RGS6: variants seen among roughly 807,000 people sequenced by gnomAD.
The protein encoded by RGS6 is regulator of G-protein signaling 6.
RGS6 carries 30 observed loss-of-function variants against 78.5 expected under a neutral mutation model. The ratio of observed to expected loss-of-function variants is 0.38; its 90% CI spans 0.29 to 0.52. The LOEUF (loss-of-function observed/expected upper bound fraction) is 0.52. Among genes scored for constraint, RGS6 ranks in the 20% least tolerant of loss-of-function variants. RGS6 has a pLI of 0.85. For synonymous variants in RGS6, 206 were observed against 206.0 expected (o/e 1.00, Z 0.00); for missense variants, 495 against 609.7 (o/e 0.81, Z 1.98).
At chr14:72,516,820 G>T (rs56656774) in intron 14 of RGS6, 1 of 152,328 alleles carries the variant, frequency 6.6e-6, no homozygotes, top group Non-Finnish European at 1.5e-5. Flanking sequence ...AAGATATGGC[G>T]TAGACAGGAT....
intron 2 of RGS6, among the ~76,000 whole-genome samples, chr14:72,010,023 G>A (rs1340708128): frequency 6.6e-6 from 1 of 152,210 alleles, no homozygotes; most frequent in Non-Finnish European, 1.5e-5. Flanking sequence ...ACGTTGTCAG[G>A]TTCTGCCATC....
rs546107504 is a variant in RGS6 at position 72,354,259 on chromosome 14, T to C, written c.184+2065T>C. Among the ~76,000 whole-genome samples, 144 of 152,210 alleles carry C rather than the reference T, an allele frequency of 9.5e-4. 8 individuals carry two copies. The highest frequency in any genetic ancestry group is 4.4e-3 in the South Asian group (21 of 4,814). ...GGAAGTCTGAGATCAGGTACCATCA[T>C]AGGTTCTGGTAAGAGCCCATTCCAG... On this transcript the variant is annotated intron_variant, in intron 3 of 17. Transcript: ENST00000553525.
intron 2 of RGS6, among the ~76,000 whole-genome samples, chr14:72,055,117 G>A (rs564841368): frequency 1.3e-5 from 2 of 152,300 alleles, no homozygotes; most frequent in Admixed American, 6.5e-5. Flanking sequence ...TGCATGTGCC[G>A]AGGTTTCCCT....
At chr14:72,233,701 T>A (rs1002928798) in intron 2 of RGS6, among the ~76,000 whole-genome samples, 3 of 152,162 alleles carry the variant, frequency 2.0e-5, no homozygotes, top group Non-Finnish European at 2.9e-5. Flanking sequence ...AGGGACAGCA[T>A]GATGTCTCCT....
At chr14:72,445,109 T>C (rs981540863) in intron 3 of RGS6, among the ~76,000 whole-genome samples, 15 of 152,364 alleles carry the variant, frequency 9.8e-5, no homozygotes, top group Middle Eastern at 3.4e-3. Flanking sequence ...CAGCCAGTTT[T>C]TAATAAGGAA....
At chr14:72,129,516 A>C (rs2096271236) in intron 2 of RGS6, among the ~76,000 whole-genome samples, 1 of 152,212 alleles carries the variant, frequency 6.6e-6, no homozygotes, top group Admixed American at 6.5e-5. Context: ...TTAGTGGCTT[A>C]TAACAGCAGA....
At chr14:72,052,575 A>G (rs560720628) in intron 2 of RGS6, among the ~76,000 whole-genome samples, 1 of 152,350 alleles carries the variant, frequency 6.6e-6, no homozygotes, top group East Asian at 1.9e-4. Flanking sequence ...AGCAGTCGGA[A>G]TCTTCCCTGC....
intron 2 of RGS6, among the ~76,000 whole-genome samples, chr14:72,147,907 A>G (rs991513150): frequency 8.5e-5 from 13 of 152,116 alleles, no homozygotes; most frequent in African/African-American, 2.4e-4. Flanking sequence ...CAAGGCGGGC[A>G]GATCACGAAG....
At position 72,254,665 on chromosome 14, in the gene RGS6, T is replaced by C. The variant is rs185503142; in HGVS notation, c.85-97430T>C. Reference sequence around the variant, plus strand: ...AGTTCCTATTCACAGGGGACTCTTTTCTCCCTTCTTTATGCTCAAGGGAGA... The same window carrying C: ...AGTTCCTATTCACAGGGGACTCTTTCCTCCCTTCTTTATGCTCAAGGGAGA... On this transcript the variant is annotated intron_variant, in intron 2 of 17. Transcript: ENST00000553525. Among the ~76,000 whole-genome samples, 39 of 152,270 alleles carry C rather than the reference T, an allele frequency of 2.6e-4. 1 individual carries two copies. The East Asian group carries it at 7.3e-3, about 29-fold the overall frequency.
chr14:72,420,449 C>CT (rs532678711), intron 3 of RGS6, among the ~76,000 whole-genome samples: 95 of 152,342 alleles, frequency 6.2e-4, no homozygotes, highest in African/African-American at 2.1e-3. Flanking sequence ...CTTAATTACA[C>CT]TTTTTAATAA....
At chr14:72,612,671 C>T in the RGS6 span, 1 of 505,720 alleles carries the variant, frequency 2.0e-6, no homozygotes, top group African/African-American at 1.9e-5. Flanking sequence ...TCCGTATAAA[C>T]CACAAACCCC....
chr14:72,041,263 A>T (rs558259536), intron 2 of RGS6, among the ~76,000 whole-genome samples: 233 of 151,966 alleles, frequency 1.5e-3, no homozygotes, highest in African/African-American at 5.5e-3. Context: ...CTGGCTAGAG[A>T]TTCTGAGGGT....
intron 17 of RGS6, chr14:72,541,406 T>G: frequency 6.7e-7 from 1 of 1,496,482 alleles, no homozygotes; most frequent in Non-Finnish European, 9.0e-7. Context: ...TAATTAAACA[T>G]CGGTATCCAT....
intron 2 of RGS6, among the ~76,000 whole-genome samples, chr14:72,055,643 TA>T (rs1258078507): frequency 1.3e-5 from 2 of 152,068 alleles, no homozygotes; most frequent in Non-Finnish European, 2.9e-5. Flanking sequence ...GCATTGAACA[TA>T]GGGATTTTTT....
chr14:72,156,043 G>A (rs971593847), intron 2 of RGS6, among the ~76,000 whole-genome samples: 3 of 152,230 alleles, frequency 2.0e-5, no homozygotes, highest in Non-Finnish European at 4.4e-5. Context: ...GATCTGGGGT[G>A]CAGCCTGGGC....
At chr14:72,238,964 C>T (rs181525519) in intron 2 of RGS6, among the ~76,000 whole-genome samples, 96 of 152,300 alleles carry the variant, frequency 6.3e-4, no homozygotes, top group Admixed American at 1.3e-3. Flanking sequence ...TATGGATCTG[C>T]AGCAACTTCA....
chr14:72,117,930 C>T (rs1452222366), intron 2 of RGS6, among the ~76,000 whole-genome samples: 3 of 152,132 alleles, frequency 2.0e-5, no homozygotes, highest in Admixed American at 6.5e-5. Flanking sequence ...TCTCCTCTGC[C>T]CTGTGACCCA....
intron 2 of RGS6, among the ~76,000 whole-genome samples, chr14:72,222,823 A>G (rs1460160286): frequency 2.0e-5 from 3 of 152,220 alleles, no homozygotes; most frequent in African/African-American, 4.8e-5. Flanking sequence ...TTTCTTTACT[A>G]TGGATGCCTC....
intron 2 of RGS6, among the ~76,000 whole-genome samples, chr14:72,313,515 C>T (rs911675414): frequency 6.6e-6 from 1 of 152,214 alleles, no homozygotes; most frequent in Non-Finnish European, 1.5e-5. Flanking sequence ...TGCATTTACT[C>T]TTACACTTCC....
Sources: gnomAD v4.1 joint callset for allele counts (sites outside exome capture counted in the v4.1 genomes callset) on GRCh38, gnomAD v4.1.1 for gene constraint, MANE v1.5 for transcripts, NCBI Gene and HGNC (gene_info 2026-07-23, HGNC 2026-07-21) for gene names.